The following NR2C2 variants were observed in gnomAD, a reference collection of about 807,000 sequenced individuals.
The protein encoded by NR2C2 is nuclear receptor subfamily 2 group C member 2.
NR2C2 carries 6 observed loss-of-function variants against 62.9 expected under a neutral mutation model. That is an observed-to-expected ratio of 0.10 (90% confidence interval 0.05 to 0.19). The LOEUF is 0.19. Ranked by LOEUF, NR2C2 falls within the 10% of genes least tolerant of loss-of-function variation. The pLI is 1.00. For missense variants in NR2C2, 479 were observed against 762.7 expected (o/e 0.63, Z 4.38); for synonymous variants, 272 against 273.8 (o/e 0.99, Z 0.07).
intron 1 of NR2C2, among the ~76,000 whole-genome samples, chr3:14,987,872 G>T (rs1472284155): frequency 6.6e-6 from 1 of 152,088 alleles, no homozygotes; most frequent in Non-Finnish European, 1.5e-5. Flanking sequence ...TTTGTGTCTT[G>T]TGTTTTTATA....
At position 14,947,694 on chromosome 3, in the gene NR2C2, A is replaced by AC. The variant is rs1380601572; in HGVS notation, c.-248dup. The AC allele has an allele frequency of 6.9e-6, 1 of 144,542 alleles. No individual in the cohort carries two copies. The highest frequency in any genetic ancestry group is 2.6e-5 in the African/African-American group (1 of 38,790). The allele number at this position is 144,542 out of a possible 1,614,324, so 9.0% of individuals were successfully genotyped here. A position where few individuals can be genotyped will look rare whatever the true frequency, so the allele number is the denominator to read the frequency against. On this transcript the variant is annotated 5_prime_UTR_variant, in exon 1 of 14. Coordinates refer to ENST00000425241, the MANE Select transcript of NR2C2 (RefSeq NM_001291694.2). ...AATAACAAACCCCCCCTTCTCCGCG[A>AC]CCCCGGCGGCGCCCCCGGGCCCGTC...
intron 8 of NR2C2, among the ~76,000 whole-genome samples, chr3:15,029,283 G>A (rs1002750262): frequency 2.4e-4 from 36 of 151,896 alleles, no homozygotes; most frequent in African/African-American, 8.2e-4. Context: ...TGAATTCAGA[G>A]CTTAAATCCA....
chr3:14,992,113 G>T (rs1445476842), intron 1 of NR2C2, among the ~76,000 whole-genome samples: 1 of 152,080 alleles, frequency 6.6e-6, no homozygotes, highest in Non-Finnish European at 1.5e-5. Flanking sequence ...TTTTCAGCAA[G>T]TGATTCCATG....
rs957833675 is a variant in NR2C2 at position 15,045,200 on chromosome 3, G to C, written c.*2192G>C. On this transcript the variant is annotated 3_prime_UTR_variant, in exon 14 of 14. Transcript: ENST00000425241. ...CACAGATTGTTGCCTGCCTTCCGTC[G>C]TTTTGATCCTTGAGAGTGACCATGA... 6.6e-6 allele frequency: 1 copy of C among 152,128 alleles called. No homozygotes were observed. Among genetic ancestry groups the C allele is most frequent in the Non-Finnish European group, 1.5e-5 (1 of 68,044 alleles). The allele number at this position is 152,128 out of a possible 1,614,324, so 9.4% of individuals were successfully genotyped here. A position where few individuals can be genotyped will look rare whatever the true frequency, so the allele number is the denominator to read the frequency against.
At chr3:14,972,543 C>CT (rs374815416) in intron 1 of NR2C2, among the ~76,000 whole-genome samples, 353 of 152,274 alleles carry the variant, frequency 2.3e-3, no homozygotes, top group African/African-American at 8.0e-3. Context: ...TACTTTCCCA[C>CT]TTTTTAATTG....
Position 15,038,050 on chromosome 3 carries a change from C to A in NR2C2, c.1423C>A (p.Leu475Met). 6.2e-7 allele frequency: 1 copy of A among 1,614,138 alleles called. No homozygotes were observed. Among genetic ancestry groups the A allele is most frequent in the Non-Finnish European group, 8.5e-7 (1 of 1,180,014 alleles). ...GCAAGTCATGGAGCACATCTGGAAG[C>A]TGCAGGAGTTCTGTAACAGCATGGC... is the stretch of plus-strand genomic sequence containing the variant. ...IKQVMEHIWK[L>M]QEFCNSMAKL... Residue 475 changes from leucine to methionine, a missense_variant, in exon 12 of 14, where the codon CTG (leucine) becomes ATG (methionine). By Grantham distance (15) the Leu-to-Met change is conservative. Transcript: ENST00000425241.
chr3:15,003,253 A>G (rs898045641), intron 1 of NR2C2, among the ~76,000 whole-genome samples: 3 of 151,952 alleles, frequency 2.0e-5, no homozygotes, highest in African/African-American at 7.3e-5. Flanking sequence ...CCCAGCCACA[A>G]TACACTTTCT....
intron 1 of NR2C2, among the ~76,000 whole-genome samples, chr3:14,971,193 C>T (rs886877746): frequency 1.3e-5 from 2 of 151,992 alleles, no homozygotes; most frequent in Admixed American, 6.5e-5. Flanking sequence ...TCTTGGCTCA[C>T]TGCAACCTTT....
chr3:15,012,597 G>A (rs373842281), intron 2 of NR2C2, among the ~76,000 whole-genome samples: 351 of 152,226 alleles, frequency 2.3e-3, no homozygotes, highest in African/African-American at 8.0e-3. Flanking sequence ...AGGAAACTGA[G>A]TTCCAGCCAG....
At chr3:15,023,425 T>C in intron 6 of NR2C2, 78 bp downstream of exon 6, 18 of 1,492,358 alleles carry the variant, frequency 1.2e-5, no homozygotes, top group Non-Finnish European at 1.4e-5. Flanking sequence ...GCAGGCACTG[T>C]TGTGGCTTCC....
At chr3:15,020,108 A>T (rs1286408089) in intron 4 of NR2C2, among the ~76,000 whole-genome samples, 2 of 152,244 alleles carry the variant, frequency 1.3e-5, no homozygotes, top group Non-Finnish European at 2.9e-5. Flanking sequence ...TAATAAATGC[A>T]TTCCTAGAAC....
Position 14,955,762 on chromosome 3 carries a change from T to C in NR2C2, c.-40+7856T>C, listed in dbSNP as rs183322277. ...CTACCCTGGCTCTTACTGATAGATA[T>C]GAAGAAAGTCCACATCACCCTTACA... On this transcript the variant is annotated intron_variant, in intron 1 of 13. Coordinates refer to ENST00000425241, the MANE Select transcript of NR2C2 (RefSeq NM_001291694.2). Among the ~76,000 whole-genome samples, 14 of 152,242 alleles carry C rather than the reference T, an allele frequency of 9.2e-5. No homozygotes were observed. In the East Asian group the frequency reaches 2.3e-3, roughly 25 times the overall value.
chr3:14,970,651 CAT>C (rs2040009602), intron 1 of NR2C2, among the ~76,000 whole-genome samples: 2 of 152,286 alleles, frequency 1.3e-5, no homozygotes, highest in East Asian at 3.9e-4. Flanking sequence ...TAGCATGTGT[CAT>C]ATGTTATAGT....
intron 2 of NR2C2, among the ~76,000 whole-genome samples, chr3:15,013,205 C>G (rs1346598959): frequency 6.6e-6 from 1 of 152,092 alleles, no homozygotes; most frequent in Non-Finnish European, 1.5e-5. Flanking sequence ...ACAGTCATTC[C>G]CAAGTTTTTG....
At chr3:15,029,115 T>C (rs548874964) in intron 8 of NR2C2, among the ~76,000 whole-genome samples, 2 of 151,840 alleles carry the variant, frequency 1.3e-5, no homozygotes, top group Admixed American at 1.3e-4. Flanking sequence ...TTTTCTTTTT[T>C]TTTTTTTTTA....
intron 1 of NR2C2, among the ~76,000 whole-genome samples, chr3:14,994,265 A>G (rs973106292): frequency 6.6e-6 from 1 of 152,060 alleles, no homozygotes; most frequent in South Asian, 2.1e-4. Context: ...TATCACAGAG[A>G]AAACATTTCT....
At chr3:15,039,839 G>C (rs2042203426) in intron 13 of NR2C2, among the ~76,000 whole-genome samples, 1 of 152,184 alleles carries the variant, frequency 6.6e-6, no homozygotes, top group African/African-American at 2.4e-5. Flanking sequence ...TGTAATTAAT[G>C]TGCAGTAAAA....
chr3:14,949,498 A>G (rs192459972), intron 1 of NR2C2, among the ~76,000 whole-genome samples: 118 of 152,348 alleles, frequency 7.7e-4, no homozygotes, highest in African/African-American at 2.7e-3. Context: ...AAATATAGCA[A>G]CGGTAGTGAG....
At chr3:15,018,489 G>A (rs1056388337) in intron 4 of NR2C2, among the ~76,000 whole-genome samples, 1 of 152,258 alleles carries the variant, frequency 6.6e-6, no homozygotes, top group Non-Finnish European at 1.5e-5. Context: ...TCAAATGGCC[G>A]AGTTATATGA....
Sources: gnomAD v4.1 joint callset for allele counts (sites outside exome capture counted in the v4.1 genomes callset) on GRCh38, gnomAD v4.1.1 for gene constraint, MANE v1.5 for transcripts, NCBI Gene and HGNC (gene_info 2026-07-23, HGNC 2026-07-21) for gene names.